Variants in HSD17B4 observed in about 807,000 individuals in gnomAD.
HSD17B4 encodes hydroxysteroid 17-beta dehydrogenase 4.
In HSD17B4, 70 loss-of-function variants were observed where a neutral mutation model predicts 101.0. The observed-to-expected ratio is 0.69, with a 90% CI of 0.57 to 0.85. The LOEUF (loss-of-function observed/expected upper bound fraction) is 0.85, where lower values mean the gene tolerates loss of function less well. Ranked by LOEUF, HSD17B4 falls within the 40% of genes least tolerant of loss-of-function variation. The probability of loss-of-function intolerance (pLI) is 0.00; values close to 1 mark genes in which losing one functional copy is unlikely to be tolerated. For missense variants in HSD17B4, 984 were observed against 892.4 expected (o/e 1.10, Z -1.31); for synonymous variants, 347 against 297.1 (o/e 1.17, Z -1.73).
rs766602899 is a variant in HSD17B4 at position 119,502,067 on chromosome 5, G to C, written c.1236G>C (p.Glu412Asp). The C allele has an allele frequency of 4.4e-6, 7 of 1,604,734 alleles. No homozygotes were observed. Among genetic ancestry groups the C allele is most frequent in the South Asian group, 3.3e-5 (3 of 90,874 alleles). The change falls in exon 14 of 24, where the codon GAG becomes GAC. Residue 412 changes from glutamate to aspartate, a missense_variant. Coordinates refer to ENST00000510025, the MANE Select transcript of HSD17B4 (RefSeq NM_000414.4). ...TTCTTCATGGAGAGCAGTACTTAGAGTTATATAAACCACTTCCCAGAGCAG... is the reference window on the plus strand; with the variant it reads ...TTCTTCATGGAGAGCAGTACTTAGACTTATATAAACCACTTCCCAGAGCAG... Reference protein sequence around the residue: ...AKVLHGEQYLELYKPLPRAGK... With the variant: ...AKVLHGEQYLDLYKPLPRAGK...
Position 119,473,838 on chromosome 5 carries a change from CCACACA to C in HSD17B4, c.113-57_113-52del, listed in dbSNP as rs10601221. The C allele has an allele frequency of 1.5e-5, 13 of 849,606 alleles. No homozygotes were observed. In the Admixed American group the frequency reaches 1.7e-4, roughly 11 times the overall value. 52.6% of individuals were successfully genotyped at this position (849,606 alleles called of 1,614,324 possible). A position where few individuals can be genotyped will look rare whatever the true frequency, so the allele number is the denominator to read the frequency against. On this transcript the variant is annotated intron_variant, in intron 2 of 23. Coordinates refer to ENST00000510025, the MANE Select transcript of HSD17B4 (RefSeq NM_000414.4). ...GTGCTAGTAATTAGAATTTCATTTT[CCACACA>C]CACACACACACATTTTGAAAGTCTA...
At chr5:119,530,478 C>T (rs1015079187) in intron 21 of HSD17B4, among the ~76,000 whole-genome samples, 1 of 151,646 alleles carries the variant, frequency 6.6e-6, no homozygotes, top group Non-Finnish European at 1.5e-5. Flanking sequence ...GTTGAGGTTT[C>T]GATACCCATG....
In HSD17B4 at chr5:119,518,992, A is replaced by G. The variant is rs189436251; in HGVS notation, c.1503+3946A>G. Among the ~76,000 whole-genome samples the G allele has an allele frequency of 2.0e-5, 3 of 152,230 alleles. No individual in the cohort carries two copies. In the East Asian group the frequency reaches 5.8e-4, roughly 29 times the overall value. On this transcript the variant is annotated intron_variant, in intron 17 of 23. Coordinates refer to ENST00000510025, the MANE Select transcript of HSD17B4 (RefSeq NM_000414.4). ...AAGTAATAATAATAATAAAAAAATT[A>G]GCCGAGCATGGTGGCATACGCCTAT...
intron 2 of HSD17B4, among the ~76,000 whole-genome samples, chr5:119,467,805 T>C (rs1001140053): frequency 1.3e-5 from 2 of 152,114 alleles, no homozygotes; most frequent in African/African-American, 4.8e-5. Flanking sequence ...GCACGTGGAG[T>C]GTCCTGGAAC....
chr5:119,463,553 C>G (rs1008963689), intron 2 of HSD17B4, among the ~76,000 whole-genome samples: 5 of 146,484 alleles, frequency 3.4e-5, no homozygotes, highest in African/African-American at 1.3e-4. Flanking sequence ...TTGATAGTAG[C>G]CATTCTAACT....
intron 2 of HSD17B4, among the ~76,000 whole-genome samples, chr5:119,461,760 C>A (rs1175348475): frequency 6.6e-6 from 1 of 150,886 alleles, no homozygotes; most frequent in South Asian, 2.1e-4. Context: ...TGGTGCATGC[C>A]TGTAGTCTTA....
chr5:119,518,298 C>G (rs527529696), intron 17 of HSD17B4, among the ~76,000 whole-genome samples: 1 of 152,102 alleles, frequency 6.6e-6, no homozygotes, highest in African/African-American at 2.4e-5. Flanking sequence ...CAGCTTCACT[C>G]CTGAGCCAGC....
chr5:119,456,451 A>G (rs1754675083), intron 2 of HSD17B4, 83 bp downstream of exon 2: 1 of 948,306 alleles, frequency 1.1e-6, no homozygotes. Flanking sequence ...TTTCTATCAA[A>G]TAATTTGTCA....
intron 18 of HSD17B4, 147 bp downstream of exon 18, chr5:119,525,432 T>C: frequency 1.5e-6 from 1 of 681,080 alleles, no homozygotes; most frequent in Non-Finnish European, 2.6e-6. Context: ...GCAAAGGATA[T>C]GGAAAGGTAG....
At chr5:119,495,037 CG>C (rs200637715) in intron 11 of HSD17B4, among the ~76,000 whole-genome samples, 1 of 135,446 alleles carries the variant, frequency 7.4e-6, no homozygotes. Context: ...AATGACTATT[CG>C]GTTTTTTTTT....
At chr5:119,475,783 A>G (rs771876733) in intron 5 of HSD17B4, 41 bp from the exon 6 acceptor site, 6 of 1,581,122 alleles carry the variant, frequency 3.8e-6, no homozygotes, top group South Asian at 1.1e-5. Flanking sequence ...TAAAAAGTAT[A>G]TACTTTCCTC....
chr5:119,516,559 A>G (rs1008745516), intron 17 of HSD17B4, among the ~76,000 whole-genome samples: 1 of 152,186 alleles, frequency 6.6e-6, no homozygotes, highest in African/African-American at 2.4e-5. Flanking sequence ...TGTGTGAATA[A>G]TGGGCACTCA....
intron 10 of HSD17B4, chr5:119,493,551 A>G (rs1750309746): frequency 2.6e-6 from 1 of 377,504 alleles, no homozygotes; most frequent in African/African-American, 2.1e-5. Flanking sequence ...TTTTTCACAT[A>G]CAGCATAACA....
chr5:119,500,917 G>C (rs148005666), intron 13 of HSD17B4, among the ~76,000 whole-genome samples: 5 of 152,078 alleles, frequency 3.3e-5, no homozygotes, highest in Non-Finnish European at 7.4e-5. Context: ...AATAATTTTT[G>C]AATCATGGGG....
chr5:119,517,310 C>T (rs116883002), intron 17 of HSD17B4, among the ~76,000 whole-genome samples: 7,075 of 152,256 alleles, frequency 0.046, 593 homozygotes, highest in East Asian at 0.42. Context: ...GTGCTGTGCT[C>T]GATTTCTCGC....
rs200063597 is a variant in HSD17B4 at position 119,473,926 on chromosome 5, A to T, written c.131A>T (p.Asp44Val). The change falls in exon 3 of 24, where the codon GAC (aspartate) becomes GTC (valine). Residue 44 changes from aspartate to valine, a missense_variant. Transcript: ENST00000510025. ...ATTACAGTGAATGATTTGGGAGGGGACTTCAAAGGAGTTGGTAAAGGCTCC... is the reference window on the plus strand; with the variant it reads ...ATTACAGTGAATGATTTGGGAGGGGTCTTCAAAGGAGTTGGTAAAGGCTCC... ...ALVVVNDLGG[D>V]FKGVGKGSLA... 3.7e-6 allele frequency: 6 copies of T among 1,600,206 alleles called. No individual in the cohort carries two copies. The highest frequency in any genetic ancestry group is 5.1e-6 in the Non-Finnish European group (6 of 1,167,416).
chr5:119,492,774 C>G (rs989557113), intron 10 of HSD17B4: 1 of 152,026 alleles, frequency 6.6e-6, no homozygotes, highest in Non-Finnish European at 1.5e-5. Context: ...CTTCAACCCT[C>G]TCCTACCCCA....
At chr5:119,497,346 G>T (rs1455046316) in intron 12 of HSD17B4, among the ~76,000 whole-genome samples, 2 of 152,190 alleles carry the variant, frequency 1.3e-5, no homozygotes, top group Non-Finnish European at 2.9e-5. Context: ...TACCTCAACT[G>T]TTGATAAAAT....
intron 17 of HSD17B4, among the ~76,000 whole-genome samples, chr5:119,516,987 G>A (rs1367793297): frequency 1.3e-5 from 2 of 152,232 alleles, no homozygotes; most frequent in African/African-American, 4.8e-5. Flanking sequence ...TCCTCTGCCT[G>A]GGCTCCCACT....
Sources: allele counts gnomAD v4.1 joint callset (sites outside exome capture counted in the v4.1 genomes callset), GRCh38; gene constraint gnomAD v4.1.1; transcripts MANE v1.5; gene names NCBI Gene and HGNC (gene_info 2026-07-23, HGNC 2026-07-21).